The following CDH9 variants were observed in gnomAD, a reference collection of about 807,000 sequenced individuals.
CDH9 encodes the protein cadherin-9.
A neutral mutation model predicts 70.9 loss-of-function variants in CDH9; 28 were observed. That is an observed-to-expected ratio of 0.40 (90% confidence interval 0.29 to 0.54). The LOEUF (loss-of-function observed/expected upper bound fraction) is 0.54, where lower values mean the gene tolerates loss of function less well. Ranked by LOEUF, CDH9 falls within the 20% of genes least tolerant of loss-of-function variation. CDH9 has a pLI of 0.59. For synonymous variants in CDH9, 409 were observed against 343.1 expected (o/e 1.19, Z -2.12); for missense variants, 874 against 984.4 (o/e 0.89, Z 1.50).
chr5:26,970,601 G>T (rs769586197), intron 2 of CDH9, among the ~76,000 whole-genome samples: 18 of 151,964 alleles, frequency 1.2e-4, no homozygotes, highest in Non-Finnish European at 2.4e-4. Context: ...AATAAGCATA[G>T]AAAATAACTA....
chr5:26,905,270 A>G (rs1740926088), intron 5 of CDH9, among the ~76,000 whole-genome samples: 1 of 152,148 alleles, frequency 6.6e-6, no homozygotes, highest in Non-Finnish European at 1.5e-5. Flanking sequence ...CAAAGCATCC[A>G]TGGTTTAATG....
At chr5:26,895,583 G>A (rs1433517489) in intron 7 of CDH9, among the ~76,000 whole-genome samples, 1 of 151,926 alleles carries the variant, frequency 6.6e-6, no homozygotes, top group East Asian at 1.9e-4. Flanking sequence ...GGTGTAAAAT[G>A]AGGCAACATG....
chr5:26,978,005 C>A (rs996914258), intron 2 of CDH9, among the ~76,000 whole-genome samples: 3 of 151,928 alleles, frequency 2.0e-5, no homozygotes, highest in Non-Finnish European at 2.9e-5. Context: ...TTTCTAAAAC[C>A]AAACCTACAC....
rs80180325 is a variant in CDH9, at chr5:26,969,612, C to A, written c.228+18494G>T. Among the ~76,000 whole-genome samples, 555 of 152,062 alleles carry A rather than the reference C, an allele frequency of 3.6e-3. 5 individuals carry two copies. The highest frequency in any genetic ancestry group is 0.013 in the African/African-American group (532 of 41,512). On this transcript the variant is annotated intron_variant, in intron 2 of 11. Coordinates refer to ENST00000231021, the MANE Select transcript of CDH9 (RefSeq NM_016279.4). ...TGTTAATATGTTCCTGCTCTCAATGCCACTGGACTCTAAGATTCTTGTAAA... is the reference window on the plus strand; with the variant it reads ...TGTTAATATGTTCCTGCTCTCAATGACACTGGACTCTAAGATTCTTGTAAA...
chr5:26,925,621 G>A (rs1259018199), intron 2 of CDH9, among the ~76,000 whole-genome samples: 4 of 152,156 alleles, frequency 2.6e-5, no homozygotes, highest in East Asian at 1.9e-4. Context: ...TGAAGTCCTC[G>A]TCCATGCCTA....
chr5:26,894,847 A>G (rs565007922), intron 7 of CDH9, among the ~76,000 whole-genome samples: 20 of 152,196 alleles, frequency 1.3e-4, no homozygotes, highest in African/African-American at 4.6e-4. Flanking sequence ...AGTTTTGTAT[A>G]AATACTCTCT....
intron 2 of CDH9, among the ~76,000 whole-genome samples, chr5:26,931,463 T>C (rs920756529): frequency 6.6e-6 from 1 of 152,196 alleles, no homozygotes; most frequent in African/African-American, 2.4e-5. Context: ...GGTGAAAGTT[T>C]TGACACACCA....
intron 4 of CDH9, among the ~76,000 whole-genome samples, chr5:26,906,345 A>G (rs1436314391): frequency 6.6e-6 from 1 of 152,152 alleles, no homozygotes; most frequent in Non-Finnish European, 1.5e-5. Flanking sequence ...AAATCAATGT[A>G]TTTAATTTTT....
At chr5:26,992,643 T>C (rs1742595880) in intron 1 of CDH9, among the ~76,000 whole-genome samples, 1 of 152,110 alleles carries the variant, frequency 6.6e-6, no homozygotes, top group South Asian at 2.1e-4. Flanking sequence ...AATGTGGAAG[T>C]GGCTTTGGAA....
intron 1 of CDH9, among the ~76,000 whole-genome samples, chr5:27,009,502 A>G (rs554433825): frequency 6.6e-6 from 1 of 152,076 alleles, no homozygotes; most frequent in East Asian, 1.9e-4. Context: ...AAAGTATTCA[A>G]TTTTTCTGCT....
At chr5:27,009,904 T>A (rs1742928513) in intron 1 of CDH9, among the ~76,000 whole-genome samples, 1 of 152,140 alleles carries the variant, frequency 6.6e-6, no homozygotes, top group Admixed American at 6.6e-5. Flanking sequence ...TTGCTGTGTC[T>A]ATTAAATTAT....
At chr5:26,975,982 G>C (rs28680946) in intron 2 of CDH9, among the ~76,000 whole-genome samples, 4,770 of 152,190 alleles carry the variant, frequency 0.031, 262 homozygotes, top group African/African-American at 0.11. Flanking sequence ...AAACCTCCAG[G>C]TCTCTTTTTA....
At chr5:26,945,853 T>A (rs1242942375) in intron 2 of CDH9, among the ~76,000 whole-genome samples, 1 of 152,150 alleles carries the variant, frequency 6.6e-6, no homozygotes, top group Non-Finnish European at 1.5e-5. Flanking sequence ...AAGCAGATAA[T>A]CAGCAGGCTT....
In CDH9 at chr5:26,881,461, G is replaced by T; in HGVS notation, c.2045C>A (p.Ala682Glu). 6.2e-7 allele frequency: 1 copy of T among 1,613,528 alleles called. No individual in the cohort carries two copies. The change falls in exon 12 of 12, where the codon GCA (alanine) becomes GAA (glutamate). Residue 682 changes from alanine (A) to glutamate (E), a missense_variant. Ala to Glu is a moderately radical substitution (Grantham distance 107, BLOSUM62 -1). Coordinates refer to ENST00000231021, the MANE Select transcript of CDH9 (RefSeq NM_016279.4). ...FDIGTLRNPE[A>E]REDSKLRRDV... ...CCGTCTAAGTTTACTGTCTTCTCTT[G>T]CCTCTGGATTCCTTAATGTGCCAAT...
chr5:26,914,212 T>C (rs1400288012), intron 3 of CDH9, among the ~76,000 whole-genome samples: 2 of 151,896 alleles, frequency 1.3e-5, no homozygotes, highest in Non-Finnish European at 2.9e-5. Flanking sequence ...GGTAAAATAA[T>C]ATGTACACAA....
intron 2 of CDH9, among the ~76,000 whole-genome samples, chr5:26,917,790 G>A (rs1305555377): frequency 1.3e-5 from 2 of 151,826 alleles, no homozygotes; most frequent in Admixed American, 6.6e-5. Context: ...TCTACTCCAA[G>A]CAATTTTTCA....
rs572793552 is a variant in CDH9 at position 26,972,139 on chromosome 5, G to A, written c.228+15967C>T. Among the ~76,000 whole-genome samples the A allele has an allele frequency of 7.2e-5, 11 of 152,224 alleles. No homozygotes were observed. The East Asian group carries it at 2.1e-3, about 29-fold the overall frequency. On this transcript the variant is annotated intron_variant, in intron 2 of 11. Transcript: ENST00000231021. ...ATAACATTGTGACATGTAATTTAGGGAAAACGTACTGTAGTAACAGGATAA... is the reference window on the plus strand; with the variant it reads ...ATAACATTGTGACATGTAATTTAGGAAAAACGTACTGTAGTAACAGGATAA...
intron 1 of CDH9, among the ~76,000 whole-genome samples, chr5:27,002,918 TA>T (rs750309112): frequency 6.7e-6 from 1 of 148,966 alleles, no homozygotes; most frequent in Non-Finnish European, 1.5e-5. Context: ...TAAAGTATAA[TA>T]AAAAAAGATA....
rs141361996 is a variant in CDH9 at position 26,905,999 on chromosome 5, C to A, written c.771G>T (p.Thr257=). The change falls in exon 5 of 12, where the codon ACG becomes ACT. Residue 257 remains threonine (T), a synonymous_variant. Coordinates refer to ENST00000231021, the MANE Select transcript of CDH9 (RefSeq NM_016279.4). ...GAGGGTTGTTGTTGACATCTGTCAG[C>A]GTGATGTTCACTGTGGTGGTTCCAG... is the stretch of plus-strand genomic sequence containing the variant. ...GLSGTTTVNI[T]LTDVNNNPPR... 1.2e-6 allele frequency: 2 copies of A among 1,613,562 alleles called. No homozygotes were observed. Among genetic ancestry groups the A allele is most frequent in the Non-Finnish European group, 1.7e-6 (2 of 1,179,652 alleles).
Sources: allele counts gnomAD v4.1 joint callset (sites outside exome capture counted in the v4.1 genomes callset), GRCh38; gene constraint gnomAD v4.1.1; transcripts MANE v1.5; gene names NCBI Gene and HGNC (gene_info 2026-07-23, HGNC 2026-07-21).